The following ADAMTS12 variants were observed in gnomAD, a reference collection of about 807,000 sequenced individuals.
The protein encoded by ADAMTS12 is A disintegrin and metalloproteinase with thrombospondin motifs 12.
ADAMTS12 carries 118 observed loss-of-function variants against 167.8 expected under a neutral mutation model. The observed-to-expected ratio is 0.70, with a 90% confidence interval of 0.61 to 0.82. The LOEUF (loss-of-function observed/expected upper bound fraction) is 0.82, where lower values mean the gene tolerates loss of function less well. Ranked by LOEUF, ADAMTS12 falls within the 40% of genes least tolerant of loss-of-function variation. The pLI is 0.00. For missense variants in ADAMTS12, 1,916 were observed against 1,998.8 expected (o/e 0.96, Z 0.79); for synonymous variants, 704 against 716.9 (o/e 0.98, Z 0.29).
rs766547006 is a variant in ADAMTS12, at chr5:33,576,657, T to G, written c.3369A>C (p.Thr1123=). 1 of 1,614,082 alleles carries G rather than the reference T, an allele frequency of 6.2e-7. No individual in the cohort carries two copies. Residue 1123 remains threonine, a synonymous_variant, in exon 19 of 24, where the codon ACA becomes ACC. Transcript: ENST00000504830. ...PTSEGGLVAT[T]TSGSGLSSSR... ...AAGATGACAAGCCAGAACCACTTGT[T>G]GTTGTAGCTACAAGGCCTCCCTCCG...
At chr5:33,594,139 C>G (rs1001007097) in intron 17 of ADAMTS12, among the ~76,000 whole-genome samples, 9 of 152,172 alleles carry the variant, frequency 5.9e-5, no homozygotes, top group Non-Finnish European at 1.3e-4. Flanking sequence ...AATTGAATCA[C>G]GGGGGCGGAT....
rs767790546 is a variant in ADAMTS12, at chr5:33,637,614, C to T, written c.1851G>A (p.Lys617=). The change falls in exon 12 of 24, where the codon AAG becomes AAA. Residue 617 remains lysine (K), a synonymous_variant. Coordinates refer to ENST00000504830, the MANE Select transcript of ADAMTS12 (RefSeq NM_030955.4). ...TGGGAAACCAGTGGTAGAGTTCATT[C>T]TTGTAGGGAACAGTGTCAAATTCAC... ...QCSEFDTVPY[K]NELYHWFPIF... is the part of the protein sequence containing the mutation. 36 of 1,613,614 alleles carry T rather than the reference C, an allele frequency of 2.2e-5. No homozygotes were observed. The East Asian group carries it at 8.0e-4, about 36-fold the overall frequency.
In ADAMTS12 at chr5:33,806,399, G is replaced by T. The variant is rs563566428; in HGVS notation, c.490-54851C>A. 2.6e-5 allele frequency among the ~76,000 whole-genome samples: 4 copies of T among 152,300 alleles called. No individual in the cohort carries two copies. In the East Asian group the frequency reaches 5.8e-4, roughly 22 times the overall value. On this transcript the variant is annotated intron_variant, in intron 2 of 23. Coordinates refer to ENST00000504830, the MANE Select transcript of ADAMTS12 (RefSeq NM_030955.4). ...TTCATCATGGCCAGCTAGCTCAGGG[G>T]CTTTTCAATACCAGTCTGTGGAATG...
intron 6 of ADAMTS12, among the ~76,000 whole-genome samples, chr5:33,659,509 C>T (rs1741180510): frequency 6.6e-6 from 1 of 152,140 alleles, no homozygotes; most frequent in Non-Finnish European, 1.5e-5. Context: ...TTGCTGATCC[C>T]CTGACTTTCT....
chr5:33,624,701 C>A (rs1739498282), intron 13 of ADAMTS12, among the ~76,000 whole-genome samples: 1 of 152,276 alleles, frequency 6.6e-6, no homozygotes, highest in African/African-American at 2.4e-5. Context: ...GATGTGTTCT[C>A]ATCCTGGAAA....
intron 5 of ADAMTS12, among the ~76,000 whole-genome samples, chr5:33,662,871 G>A (rs542095054): frequency 6.6e-6 from 1 of 152,326 alleles, no homozygotes; most frequent in South Asian, 2.1e-4. Flanking sequence ...AGCCATCCCT[G>A]GTACAGGATG....
At chr5:33,825,365 T>G (rs1398492487) in intron 2 of ADAMTS12, among the ~76,000 whole-genome samples, 2 of 152,196 alleles carry the variant, frequency 1.3e-5, no homozygotes, top group Non-Finnish European at 2.9e-5. Context: ...TCAATGAATG[T>G]GCTGTGGGCT....
At chr5:33,748,661 A>C (rs1744874233) in intron 3 of ADAMTS12, among the ~76,000 whole-genome samples, 1 of 152,176 alleles carries the variant, frequency 6.6e-6, no homozygotes, top group East Asian at 1.9e-4. Flanking sequence ...TCCTCTTTGA[A>C]CGTTACAAAA....
At chr5:33,535,130 A>G in intron 22 of ADAMTS12, 138 bp from the exon 23 acceptor site, 1 of 814,012 alleles carries the variant, frequency 1.2e-6, no homozygotes. Context: ...GGAGTCATAG[A>G]ATAAAGGCAC....
intron 18 of ADAMTS12, among the ~76,000 whole-genome samples, chr5:33,579,668 C>T (rs1436289502): frequency 6.6e-6 from 1 of 152,222 alleles, no homozygotes; most frequent in Non-Finnish European, 1.5e-5. Flanking sequence ...ATCATATTAA[C>T]TCCTTGTGTG....
At chr5:33,620,938 G>A in intron 14 of ADAMTS12, among the ~76,000 whole-genome samples, 1 of 152,168 alleles carries the variant, frequency 6.6e-6, no homozygotes, top group South Asian at 2.1e-4. Context: ...TAAGAATGAT[G>A]ACTATATTTG....
At chr5:33,575,353 A>C (rs1746638160) in intron 19 of ADAMTS12, among the ~76,000 whole-genome samples, 1 of 152,172 alleles carries the variant, frequency 6.6e-6, no homozygotes, top group Non-Finnish European at 1.5e-5. Context: ...GTCATCCTTC[A>C]TCATAGGATC....
intron 2 of ADAMTS12, among the ~76,000 whole-genome samples, chr5:33,830,620 C>G (rs1025137430): frequency 6.6e-6 from 1 of 152,042 alleles, no homozygotes; most frequent in African/African-American, 2.4e-5. Flanking sequence ...AAGACACTGT[C>G]TCTATTAAAA....
intron 11 of ADAMTS12, among the ~76,000 whole-genome samples, chr5:33,639,095 C>T (rs531675773): frequency 5.9e-5 from 9 of 151,812 alleles, no homozygotes; most frequent in Non-Finnish European, 1.2e-4. Context: ...AGTTTTTTTT[C>T]GTTTGTAAAA....
intron 2 of ADAMTS12, among the ~76,000 whole-genome samples, chr5:33,781,644 T>C (rs1746132023): frequency 6.6e-6 from 1 of 152,202 alleles, no homozygotes; most frequent in Non-Finnish European, 1.5e-5. Flanking sequence ...CCAGTAAATT[T>C]ATCCTGCCTG....
chr5:33,766,076 C>T (rs1183502794), intron 2 of ADAMTS12, among the ~76,000 whole-genome samples: 2 of 152,144 alleles, frequency 1.3e-5, no homozygotes, highest in East Asian at 3.8e-4. Context: ...CAGAAGATTT[C>T]CAAATAGTTT....
chr5:33,673,253 A>G (rs1165332381), intron 5 of ADAMTS12, among the ~76,000 whole-genome samples: 2 of 152,094 alleles, frequency 1.3e-5, no homozygotes, highest in Non-Finnish European at 2.9e-5. Context: ...ATTTTTGGAA[A>G]TCACTCCAAA....
intron 2 of ADAMTS12, among the ~76,000 whole-genome samples, chr5:33,767,197 A>T (rs1745565346): frequency 6.6e-6 from 1 of 152,204 alleles, no homozygotes; most frequent in Non-Finnish European, 1.5e-5. Context: ...CATGATTCCA[A>T]CTTTGTAGAA....
chr5:33,732,666 G>T (rs1455358213), intron 3 of ADAMTS12, among the ~76,000 whole-genome samples: 1 of 152,104 alleles, frequency 6.6e-6, no homozygotes, highest in Non-Finnish European at 1.5e-5. Flanking sequence ...AGAACAAATG[G>T]ATACTTTTTA....
Sources: gnomAD v4.1 joint callset for allele counts (sites outside exome capture counted in the v4.1 genomes callset) on GRCh38, gnomAD v4.1.1 for gene constraint, MANE v1.5 for transcripts, NCBI Gene and HGNC (gene_info 2026-07-23, HGNC 2026-07-21) for gene names.